The following WDR11 variants were observed in gnomAD, a reference collection of about 807,000 sequenced individuals.
WDR11 encodes WD repeat domain 11.
In WDR11, 83 loss-of-function variants were observed where a neutral mutation model predicts 151.2. The ratio of observed to expected loss-of-function variants is 0.55; its 90% confidence interval spans 0.46 to 0.66. The LOEUF (loss-of-function observed/expected upper bound fraction) is 0.66. WDR11 is among the 30% of genes least tolerant of loss of function. The pLI, the probability that WDR11 is intolerant of heterozygous loss-of-function variation, is 0.00. For missense variants in WDR11, 1,301 were observed against 1,480.9 expected (o/e 0.88, Z 1.99); for synonymous variants, 484 against 533.1 (o/e 0.91, Z 1.27).
At chr10:120,878,266 G>T in intron 11 of WDR11, 87 bp from the exon 12 acceptor site, 1 of 1,023,218 alleles carries the variant, frequency 9.8e-7, no homozygotes, top group South Asian at 1.4e-5. Flanking sequence ...TAAAATTTAG[G>T]TCTTTGGAAA....
rs1353440724 is a variant in WDR11 at position 120,889,277 on chromosome 10, G to A, written c.2228+93G>A. The A allele has an allele frequency of 3.9e-5, 39 of 992,058 alleles. 1 individual carries two copies. Among genetic ancestry groups the A allele is most frequent in the South Asian group, 6.9e-5 (5 of 72,470 alleles). 61.5% of individuals were successfully genotyped at this position (992,058 alleles called of 1,614,324 possible). ...TGTTGAGATGGTGTCTTGCTCTGTC[G>A]CCCAGGCTGGAGTGCAGTGGTGCAA... On this transcript the variant is annotated intron_variant, in intron 17 of 28. Transcript: ENST00000263461.
chr10:120,864,896 TA>T, intron 5 of WDR11, 150 bp from the exon 6 acceptor site: 1 of 782,404 alleles, frequency 1.3e-6, no homozygotes, highest in Non-Finnish European at 2.1e-6. Flanking sequence ...AGTAGAGATC[TA>T]AGTTTTGGAT....
rs761237454 is a variant in WDR11 at position 120,904,126 on chromosome 10, T to A, written c.3011T>A (p.Leu1004Gln). ...YDHTRKCTDQ[L>Q]LLLGQTDRAV... is the part of the protein sequence containing the mutation. ...CATACAAGGAAATGTACAGACCAGCTACTGCTCTTGGGTCAAGTATGTCAG... is the reference window on the plus strand; with the variant it reads ...CATACAAGGAAATGTACAGACCAGCAACTGCTCTTGGGTCAAGTATGTCAG... The change falls in exon 24 of 29, where the codon CTA becomes CAA. Residue 1004 changes from leucine (L) to glutamine (Q), a missense_variant. By Grantham distance (113) the Leu-to-Gln change is moderately radical. Coordinates refer to ENST00000263461, the MANE Select transcript of WDR11 (RefSeq NM_018117.12). 6.8e-6 allele frequency: 11 copies of A among 1,612,892 alleles called. No homozygotes were observed. The highest frequency in any genetic ancestry group is 8.5e-6 in the Non-Finnish European group (10 of 1,179,110).
At chr10:120,857,121 C>T (rs1590054011) in intron 2 of WDR11, among the ~76,000 whole-genome samples, 1 of 152,074 alleles carries the variant, frequency 6.6e-6, no homozygotes, top group African/African-American at 2.4e-5. Context: ...CACATCACAA[C>T]TTCTCATACT....
intron 5 of WDR11, among the ~76,000 whole-genome samples, chr10:120,863,912 T>G (rs1433082888): frequency 6.6e-6 from 1 of 152,228 alleles, no homozygotes; most frequent in African/African-American, 2.4e-5. Flanking sequence ...GATTACTTCT[T>G]AAGTATCTTA....
chr10:120,883,770 T>G lies in WDR11; in HGVS notation c.1740-10T>G. 1 of 1,612,884 alleles carries G rather than the reference T, an allele frequency of 6.2e-7. No homozygotes were observed. The highest frequency in any genetic ancestry group is 8.5e-7 in the Non-Finnish European group (1 of 1,179,100). On this transcript the variant is annotated splice_polypyrimidine_tract_variant and intron_variant, in intron 13 of 28. Coordinates refer to ENST00000263461, the MANE Select transcript of WDR11 (RefSeq NM_018117.12). ...AAAAGGGGCTTATTTAGTAATTTTG[T>G]TTATTTTAGGCAGTATTTGGCAGTC...
intron 23 of WDR11, 98 bp from the exon 24 acceptor site, chr10:120,903,949 A>C: frequency 1.2e-6 from 1 of 803,712 alleles, no homozygotes. Flanking sequence ...GAAAAGTCAA[A>C]GTAGTTTATT....
At position 120,909,062 on chromosome 10, in the gene WDR11, A is replaced by G. The variant is rs572479135; in HGVS notation, c.*349A>G. The G allele has an allele frequency of 7.6e-5, 23 of 303,784 alleles. No homozygotes were observed. The Admixed American group carries it at 9.0e-4, about 12-fold the overall frequency. 18.8% of individuals were successfully genotyped at this position (303,784 alleles called of 1,614,324 possible). A position where few individuals can be genotyped will look rare whatever the true frequency, so the allele number is the denominator to read the frequency against. Reference sequence around the variant, plus strand: ...TTCTCATTGATTAAATGTAAAGATTATTGAGAAACCTATAGTAAATGAAAT... The same window carrying G: ...TTCTCATTGATTAAATGTAAAGATTGTTGAGAAACCTATAGTAAATGAAAT... On this transcript the variant is annotated 3_prime_UTR_variant, in exon 29 of 29. Transcript: ENST00000263461.
At chr10:120,881,233 G>T (rs1279908232) in intron 13 of WDR11, among the ~76,000 whole-genome samples, 1 of 152,136 alleles carries the variant, frequency 6.6e-6, no homozygotes, top group Non-Finnish European at 1.5e-5. Flanking sequence ...TTTGCTTCCA[G>T]AAATTGAGTT....
chr10:120,901,412 C>T (rs1847809619), intron 21 of WDR11, among the ~76,000 whole-genome samples: 1 of 152,176 alleles, frequency 6.6e-6, no homozygotes, highest in Admixed American at 6.5e-5. Flanking sequence ...CTACTACAAA[C>T]CTCCATGAAG....
chr10:120,873,275 G>T (rs959122596), intron 10 of WDR11, among the ~76,000 whole-genome samples: 2 of 152,216 alleles, frequency 1.3e-5, no homozygotes, highest in African/African-American at 2.4e-5. Flanking sequence ...CACAGATTTA[G>T]TGTGGGCAAG....
In WDR11 at chr10:120,883,856, A is replaced by C. The variant is rs1847115779; in HGVS notation, c.1816A>C (p.Met606Leu). The change falls in exon 14 of 29, where the codon ATG becomes CTG. Residue 606 changes from methionine (M) to leucine (L), a missense_variant. By Grantham distance (15) the Met-to-Leu change is conservative. Transcript: ENST00000263461. ...DVRTCTLLRE[M>L]SKNFPTITAL... is the part of the protein sequence containing the mutation. ...TAGGACTTGTACCCTTCTTAGAGAG[A>C]TGTCCAAAAACTTCCCTACAATAAC... 6.2e-7 allele frequency: 1 copy of C among 1,613,340 alleles called. No individual in the cohort carries two copies. The highest frequency in any genetic ancestry group is 8.5e-7 in the Non-Finnish European group (1 of 1,179,610).
chr10:120,859,957 AC>A lies in WDR11; in HGVS notation c.353-151del. The stretch of plus-strand genomic sequence containing the variant: ...AGTTTTTTCTCTGGAATATTGATAC[AC>A]ACACACACACACACACACACGTCAC... On this transcript the variant is annotated intron_variant, in intron 3 of 28. Coordinates refer to ENST00000263461, the MANE Select transcript of WDR11 (RefSeq NM_018117.12). 6.1e-5 allele frequency: 13 copies of A among 214,440 alleles called. 1 individual carries two copies. Among genetic ancestry groups the A allele is most frequent in the African/African-American group, 3.7e-4 (2 of 5,394 alleles). The allele number at this position is 214,440 out of a possible 1,614,324, so 13.3% of individuals were successfully genotyped here.
Position 120,886,085 on chromosome 10 carries a change from A to T in WDR11, c.1973+147A>T, listed in dbSNP as rs752048271. On this transcript the variant is annotated intron_variant, in intron 15 of 28. Coordinates refer to ENST00000263461, the MANE Select transcript of WDR11 (RefSeq NM_018117.12). Reference sequence around the variant, plus strand: ...GTTTCATCTTTCAGTACATACCCAGATTACTAAAAAGATAATTTTATCATT... The same window carrying T: ...GTTTCATCTTTCAGTACATACCCAGTTTACTAAAAAGATAATTTTATCATT... 111 of 982,944 alleles carry T rather than the reference A, an allele frequency of 1.1e-4. No homozygotes were observed. In the Middle Eastern group the frequency reaches 3.8e-3, roughly 34 times the overall value. 60.9% of individuals were successfully genotyped at this position (982,944 alleles called of 1,614,324 possible).
intron 19 of WDR11, among the ~76,000 whole-genome samples, chr10:120,894,512 T>C (rs2133799619): frequency 6.6e-6 from 1 of 152,304 alleles, no homozygotes; most frequent in Non-Finnish European, 1.5e-5. Context: ...TAGTGTTCCT[T>C]AGCTCTCTTT....
chr10:120,868,663 A>G (rs1215831133), intron 9 of WDR11: 1 of 152,146 alleles, frequency 6.6e-6, no homozygotes, highest in Non-Finnish European at 1.5e-5. Context: ...TCACACAGTC[A>G]CACAATGGAA....
In WDR11 at chr10:120,885,875, C is replaced by T; in HGVS notation, c.1910C>T (p.Ala637Val). Residue 637 changes from alanine to valine, a missense_variant, in exon 15 of 29, where the codon GCC (alanine) becomes GTC (valine). Around this residue, in one of 3 missense-constraint regions of WDR11, gnomAD observed 20 missense variants for 47.8 expected, o/e 0.42. Transcript: ENST00000263461. ...LRKKQLATREAMARQTVVSDT... is the reference protein window; with the variant it reads ...LRKKQLATREVMARQTVVSDT... ...AAGAAGCAACTTGCAACTCGAGAGG[C>T]CATGGCCCGCCAGACCGTAGTCTCA... 1 of 1,613,884 alleles carries T rather than the reference C, an allele frequency of 6.2e-7. No individual in the cohort carries two copies. The highest frequency in any genetic ancestry group is 8.5e-7 in the Non-Finnish European group (1 of 1,179,824).
chr10:120,908,590 C>A lies in WDR11; in HGVS notation c.3552C>A (p.Ala1184=). The part of the protein sequence containing the change: ...KLITAIYADY[A]RSLKNLGFKQ... ...TCACTGCTATATATGCAGATTATGC[C>A]CGGAGTTTGAAGAACCTCGGTTTTA... Residue 1184 remains alanine, a synonymous_variant, in exon 29 of 29, where the codon GCC becomes GCA. Coordinates refer to ENST00000263461, the MANE Select transcript of WDR11 (RefSeq NM_018117.12). 1.2e-6 allele frequency: 2 copies of A among 1,614,146 alleles called. No individual in the cohort carries two copies. Among genetic ancestry groups the A allele is most frequent in the South Asian group, 2.2e-5 (2 of 91,080 alleles).
rs745856006 is a variant in WDR11, at chr10:120,889,909, A to G, written c.2243A>G (p.His748Arg). 16 of 1,613,598 alleles carry G rather than the reference A, an allele frequency of 9.9e-6. No individual in the cohort carries two copies. The highest frequency in any genetic ancestry group is 2.7e-5 in the African/African-American group (2 of 74,922). Reference sequence around the variant, plus strand: ...TTTGTCTTCAGAGGAATACCCACACACCGAAGTTGGGTGAGGAAGATTCGT... The same window carrying G: ...TTTGTCTTCAGAGGAATACCCACACGCCGAAGTTGGGTGAGGAAGATTCGT... Reference protein sequence around the residue: ...KGRVSRGIPTHRSWVRKIRFA... With the variant: ...KGRVSRGIPTRRSWVRKIRFA... The change falls in exon 18 of 29, where the codon CAC (histidine) becomes CGC (arginine). Residue 748 changes from histidine (H) to arginine (R), a missense_variant. Physicochemically the swap from His to Arg is conservative, Grantham distance 29. Transcript: ENST00000263461.
Sources: gnomAD v4.1 joint callset for allele counts (sites outside exome capture counted in the v4.1 genomes callset) on GRCh38, gnomAD v4.1.1 for gene constraint, gnomAD v4.1.1 regional missense constraint, MANE v1.5 for transcripts, NCBI Gene and HGNC (gene_info 2026-07-23, HGNC 2026-07-21) for gene names.